The following ZNF117 variants were observed in gnomAD, a reference collection of about 807,000 sequenced individuals.
The protein encoded by ZNF117 is Krueppel-related zinc finger protein.
In ZNF117, 37 loss-of-function variants were observed where a neutral mutation model predicts 41.2. The observed-to-expected ratio is 0.90, with a 90% CI of 0.69 to 1.18. The LOEUF (loss-of-function observed/expected upper bound fraction) is 1.18, where lower values mean the gene tolerates loss of function less well. ZNF117 is among the 50% of genes most tolerant of loss of function. The pLI, the probability that ZNF117 is intolerant of heterozygous loss-of-function variation, is 0.00. For synonymous variants in ZNF117, 186 were observed against 186.6 expected (o/e 1.00, Z 0.02); for missense variants, 546 against 557.5 (o/e 0.98, Z 0.21).
exon 3 of ZNF117, chr7:64,978,194 T>A: frequency 6.2e-7 from 1 of 1,609,714 alleles, no homozygotes. Flanking sequence ...GTGTAGTAAG[T>A]GTTGAAGATT....
chr7:64,977,729 T>C (rs190670494), exon 3 of ZNF117: 208 of 882,128 alleles, frequency 2.4e-4, no homozygotes, highest in Non-Finnish European at 1.4e-4. Context: ...ATTCTTCACA[T>C]TTATATGGTT....
exon 3 of ZNF117, chr7:64,974,528 T>C (rs962961591): frequency 3.3e-5 from 5 of 151,864 alleles, no homozygotes; most frequent in Admixed American, 2.0e-4. Context: ...CTTTTGAAAA[T>C]AGGTACAAAC....
chr7:64,987,771 C>T (rs1450599283), intron 1 of ZNF117, among the ~76,000 whole-genome samples: 1 of 150,962 alleles, frequency 6.6e-6, no homozygotes, highest in Admixed American at 6.6e-5. Context: ...ATAGCTTGAG[C>T]CCAGGAGTTT....
upstream of ZNF117, among the ~76,000 whole-genome samples, chr7:64,983,440 A>AT (rs1260128884): frequency 1.3e-5 from 2 of 152,246 alleles, no homozygotes; most frequent in African/African-American, 2.4e-5. Context: ...CTTGACTATC[A>AT]TAAGAATTTT....
At chr7:64,989,346 C>T (rs1351008186) in intron 1 of ZNF117, among the ~76,000 whole-genome samples, 1 of 149,738 alleles carries the variant, frequency 6.7e-6, no homozygotes, top group Non-Finnish European at 1.5e-5. Context: ...GAATAACTAG[C>T]TAGCACTATG....
intron 2 of ZNF117, chr7:64,980,128 C>A (rs1785994675): frequency 6.6e-6 from 1 of 152,364 alleles, no homozygotes; most frequent in Admixed American, 6.6e-5. Context: ...TGAATAAAGT[C>A]TTTTAACTAA....
At chr7:64,981,247 G>C (rs927088209) in intron 2 of ZNF117, 140 bp downstream of exon 3, 2 of 1,038,288 alleles carry the variant, frequency 1.9e-6, no homozygotes, top group Non-Finnish European at 1.4e-6. Context: ...TTCTATGTGA[G>C]AGAAAAATAA....
At chr7:64,989,655 ACAAT>A (rs1486371196) in intron 1 of ZNF117, among the ~76,000 whole-genome samples, 1 of 151,422 alleles carries the variant, frequency 6.6e-6, no homozygotes, top group African/African-American at 2.4e-5. Flanking sequence ...AGCAATGGAA[ACAAT>A]CAACTGAATA....
At chr7:64,978,404 G>T in exon 3 of ZNF117, 1 of 1,613,676 alleles carries the variant, frequency 6.2e-7, no homozygotes, top group Non-Finnish European at 8.5e-7. Context: ...CTCTACATTT[G>T]TGGGGATTCT....
At chr7:64,977,843 CTTA>C in exon 3 of ZNF117, 4 of 1,109,846 alleles carry the variant, frequency 3.6e-6, no homozygotes, top group Non-Finnish European at 5.4e-6. Flanking sequence ...TATGAATTTT[CTTA>C]TGTTTAATAA....
upstream of ZNF117, among the ~76,000 whole-genome samples, chr7:64,985,685 G>C (rs1053503772): frequency 6.6e-6 from 1 of 152,092 alleles, no homozygotes; most frequent in African/African-American, 2.4e-5. Context: ...TCCTGGCAGG[G>C]TGCAGTGGCT....
exon 3 of ZNF117, chr7:64,976,894 TG>T: frequency 2.0e-6 from 1 of 499,150 alleles, no homozygotes; most frequent in Non-Finnish European, 4.1e-6. Context: ...TCTTCACATT[TG>T]CAGGGTTTCT....
At position 64,981,968 on chromosome 7, in the gene ZNF117, T is replaced by C. The variant is rs1339750010; in HGVS notation, c.-63+16A>G. 1 of 570,904 alleles carries C rather than the reference T, an allele frequency of 1.8e-6. No homozygotes were observed. The highest frequency in any genetic ancestry group is 3.1e-6 in the Non-Finnish European group (1 of 318,008). The allele number at this position is 570,904 out of a possible 1,614,324, so 35.4% of individuals were successfully genotyped here. The stretch of plus-strand genomic sequence containing the variant: ...AAAACCTTTAGGGTATATTAGAAAA[T>C]GTGTATTGAAGTTACCTTCACCCAA... On this transcript the variant is annotated intron_variant, in intron 1 of 2. Transcript: ENST00000620222.
rs371457883 is a variant in ZNF117 at position 64,979,575 on chromosome 7, G to A, written c.35-39C>T. 68 of 1,389,008 alleles carry A rather than the reference G, an allele frequency of 4.9e-5. No individual in the cohort carries two copies. In the Admixed American group the frequency reaches 7.0e-4, roughly 14 times the overall value. The allele number at this position is 1,389,008 out of a possible 1,614,324, so 86.0% of individuals were successfully genotyped here. A position where few individuals can be genotyped will look rare whatever the true frequency, so the allele number is the denominator to read the frequency against. On this transcript the variant is annotated intron_variant, in intron 2 of 2. Transcript: ENST00000620222. Reference sequence around the variant, plus strand: ...AAGTAACAAACTACTTCACTTGCTCGACTCAGATGAATATACTTTACAAAT... The same window carrying A: ...AAGTAACAAACTACTTCACTTGCTCAACTCAGATGAATATACTTTACAAAT...
chr7:64,973,976 C>G (rs118191089), downstream of ZNF117: 2 of 152,022 alleles, frequency 1.3e-5, no homozygotes, highest in African/African-American at 2.4e-5. Flanking sequence ...ACAGCAAGCA[C>G]TGTCATATTT....
exon 3 of ZNF117, chr7:64,977,406 T>G: frequency 9.3e-6 from 4 of 430,296 alleles, no homozygotes; most frequent in South Asian, 7.4e-5. Flanking sequence ...GTAAGGTTTC[T>G]CTCCTGTATG....
At chr7:64,990,517 A>T (rs1786240228) in exon 1 of ZNF117, 1 of 160,918 alleles carries the variant, frequency 6.2e-6, no homozygotes, top group African/African-American at 2.4e-5. Flanking sequence ...AAGCAGTCTT[A>T]CAGAAGCAGA....
chr7:64,983,558 CTCTA>C (rs1364045283), upstream of ZNF117, among the ~76,000 whole-genome samples: 3 of 152,186 alleles, frequency 2.0e-5, no homozygotes, highest in Middle Eastern at 3.2e-3. Flanking sequence ...GGACACAGCT[CTCTA>C]TCTGAGACAT....
intron 2 of ZNF117, 72 bp downstream of exon 3, chr7:64,981,315 A>AT: frequency 6.3e-7 from 1 of 1,576,798 alleles, no homozygotes; most frequent in South Asian, 1.1e-5. Context: ...ACCAAATCAC[A>AT]TTTTAAGCTG....
Sources: allele counts gnomAD v4.1 joint callset (sites outside exome capture counted in the v4.1 genomes callset), GRCh38; gene constraint gnomAD v4.1.1; transcripts MANE v1.5; gene names NCBI Gene and HGNC (gene_info 2026-07-23, HGNC 2026-07-21).